Variants in GALNT9 observed in about 807,000 individuals in gnomAD.
GALNT9 encodes the protein polypeptide N-acetylgalactosaminyltransferase 9.
Under a neutral mutation model 63.1 loss-of-function variants are expected in GALNT9, and 47 were observed. The ratio of observed to expected loss-of-function variants is 0.75; its 90% CI spans 0.59 to 0.95. The LOEUF (loss-of-function observed/expected upper bound fraction) is 0.95. Among genes scored for constraint, GALNT9 ranks in the 40% least tolerant of loss-of-function variants. The probability of loss-of-function intolerance (pLI) is 0.00; values close to 1 mark genes in which losing one functional copy is unlikely to be tolerated. For synonymous variants in GALNT9, 396 were observed against 365.7 expected, an observed-to-expected ratio of 1.08 and a Z score of -0.94; for missense variants, 829 against 874.8, an observed-to-expected ratio of 0.95 and a Z score of 0.66.
chr12:132,203,407 CAGGGGGCCCT>C (rs573865239), intron 7 of GALNT9, 88 bp downstream of exon 7: 136 of 1,103,820 alleles, frequency 1.2e-4, no homozygotes, highest in Non-Finnish European at 3.0e-5. Context: ...CTCACACCTG[CAGGGGGCCCT>C]AGGGGGCCTC....
At chr12:132,285,977 C>A (rs1240164019) in intron 2 of GALNT9, among the ~76,000 whole-genome samples, 1 of 152,126 alleles carries the variant, frequency 6.6e-6, no homozygotes, top group East Asian at 1.9e-4. Flanking sequence ...CCTGACTGCT[C>A]CACTTTCCCA....
intron 7 of GALNT9, among the ~76,000 whole-genome samples, chr12:132,201,877 CTG>C (rs1030696293): frequency 5.9e-5 from 9 of 152,074 alleles, no homozygotes; most frequent in African/African-American, 1.9e-4. Context: ...AGTGCGGTGT[CTG>C]TGTCTTCCTG....
intron 1 of GALNT9, among the ~76,000 whole-genome samples, chr12:132,301,287 G>C (rs1881286602): frequency 6.6e-6 from 1 of 152,266 alleles, no homozygotes; most frequent in South Asian, 2.1e-4. Flanking sequence ...ACTTTCAGGA[G>C]AGGAAGGGCA....
Position 132,305,502 on chromosome 12 carries a change from C to T in GALNT9, c.239-19072G>A, listed in dbSNP as rs28544295. Among the ~76,000 whole-genome samples, 10 of 119,158 alleles carry T rather than the reference C, an allele frequency of 8.4e-5. 1 individual carries two copies. Among genetic ancestry groups the T allele is most frequent in the Non-Finnish European group, 1.6e-4 (9 of 57,876 alleles). 78.2% of individuals were successfully genotyped at this position (119,158 alleles called of 152,430 possible). A position where few individuals can be genotyped will look rare whatever the true frequency, so the allele number is the denominator to read the frequency against. On this transcript the variant is annotated intron_variant, in intron 1 of 10. Coordinates refer to ENST00000328957, the MANE Select transcript of GALNT9 (RefSeq NM_001122636.2). ...CCGGGCACACCCTCACCGGGGCACA[C>T]CCTCACCCGGGCACAGCCTCACCCG...
At chr12:132,214,055 C>G (rs190417385) in intron 6 of GALNT9, among the ~76,000 whole-genome samples, 2 of 152,188 alleles carry the variant, frequency 1.3e-5, no homozygotes. Flanking sequence ...CTGGGCCCCT[C>G]AGTCCTCCCA....
chr12:132,200,901 TGCACCTTGTGTGTGCAC>T, intron 8 of GALNT9: 1 of 557,340 alleles, frequency 1.8e-6, no homozygotes. Flanking sequence ...TATGTGAACC[TGCACCTTGTGTGTGCAC>T]GTGGATGTGC....
intron 6 of GALNT9, among the ~76,000 whole-genome samples, chr12:132,215,379 G>A (rs1051215394): frequency 1.4e-4 from 22 of 152,368 alleles, no homozygotes; most frequent in African/African-American, 5.3e-4. Flanking sequence ...GCCCGGCACC[G>A]CCTGGATGCC....
In GALNT9 at chr12:132,203,555, T is replaced by G. The variant is rs1224154121; in HGVS notation, c.1213A>C (p.Met405Leu). ...TACACGTGGGACTTGAAGTCATCCA[T>G]CCACACCTCGGCGGCGCGCAGGGCG... ...RNALRAAEVW[M>L]DDFKSHVYMA... The change falls in exon 7 of 11, where the codon ATG (methionine) becomes CTG (leucine). Residue 405 changes from methionine (M) to leucine (L), a missense_variant. Transcript: ENST00000328957. 1.2e-6 allele frequency: 2 copies of G among 1,613,886 alleles called. No homozygotes were observed. Among genetic ancestry groups the G allele is most frequent in the Admixed American group, 3.3e-5 (2 of 59,996 alleles).
intron 1 of GALNT9, among the ~76,000 whole-genome samples, chr12:132,294,373 C>T (rs1300436279): frequency 6.6e-6 from 1 of 152,232 alleles, no homozygotes; most frequent in Non-Finnish European, 1.5e-5. Context: ...CAGTGCTTCT[C>T]AAACCCAGCT....
chr12:132,258,638 C>G (rs1310377669), intron 4 of GALNT9, among the ~76,000 whole-genome samples: 1 of 152,186 alleles, frequency 6.6e-6, no homozygotes, highest in Non-Finnish European at 1.5e-5. Flanking sequence ...GCCTAATGGG[C>G]CTGCAGGGCT....
intron 5 of GALNT9, among the ~76,000 whole-genome samples, chr12:132,250,586 T>A (rs1279260484): frequency 1.3e-5 from 2 of 152,078 alleles, no homozygotes; most frequent in Non-Finnish European, 2.9e-5. Flanking sequence ...GGTCAGGAGT[T>A]CAAGATCAGA....
chr12:132,254,306 G>A lies in GALNT9; in HGVS notation c.959+3383C>T, dbSNP rs542497701. ...AATACCGGCGTAAGCCACTGCACCC[G>A]GCCCCTCCGCTGCTTTTAATATGCA... On this transcript the variant is annotated intron_variant, in intron 5 of 10. Transcript: ENST00000328957. Among the ~76,000 whole-genome samples, 136 of 152,274 alleles carry A rather than the reference G, an allele frequency of 8.9e-4. 1 individual carries two copies. The highest frequency in any genetic ancestry group is 3.0e-3 in the African/African-American group (126 of 41,550).
rs1215101066 is a variant in GALNT9 at position 132,261,048 on chromosome 12, G to C, written c.661C>G (p.Arg221Gly). The part of the protein sequence containing the change: ...PGLVKIVRNS[R>G]REGLIRARLQ... ...CGCGCGCGGATCAGTCCTTCCCGCC[G>C]GCTGTTGCGGACAATCTTCACGAGG... Residue 221 changes from arginine to glycine, a missense_variant, in exon 4 of 11, where the codon CGG becomes GGG. By Grantham distance (125) the Arg-to-Gly change is moderately radical. Coordinates refer to ENST00000328957, the MANE Select transcript of GALNT9 (RefSeq NM_001122636.2). 2 of 1,551,424 alleles carry C rather than the reference G, an allele frequency of 1.3e-6. No individual in the cohort carries two copies. The highest frequency in any genetic ancestry group is 1.7e-6 in the Non-Finnish European group (2 of 1,146,954).
At chr12:132,323,406 T>A (rs1445856239) in intron 1 of GALNT9, among the ~76,000 whole-genome samples, 1 of 152,168 alleles carries the variant, frequency 6.6e-6, no homozygotes, top group Non-Finnish European at 1.5e-5. Flanking sequence ...GGGAAGTGGC[T>A]GACAAGTGTT....
intron 2 of GALNT9, among the ~76,000 whole-genome samples, chr12:132,272,019 C>T (rs1016817778): frequency 6.6e-6 from 1 of 152,128 alleles, no homozygotes; most frequent in Non-Finnish European, 1.5e-5. Context: ...GGGCCAGAGG[C>T]TGCGCTCGAG....
intron 1 of GALNT9, among the ~76,000 whole-genome samples, chr12:132,294,888 C>T (rs1555243093): frequency 6.6e-6 from 1 of 152,254 alleles, no homozygotes; most frequent in African/African-American, 2.4e-5. Context: ...TCTCATCTTC[C>T]CTGTCTCTTA....
intron 5 of GALNT9, among the ~76,000 whole-genome samples, chr12:132,251,312 G>A (rs1352862873): frequency 6.6e-6 from 1 of 152,218 alleles, no homozygotes; most frequent in African/African-American, 2.4e-5. Flanking sequence ...TAAAACTGGA[G>A]TACGTTAAGG....
Position 132,203,761 on chromosome 12 carries a change from C to A in GALNT9, c.1078-71G>T, listed in dbSNP as rs1250702110. On this transcript the variant is annotated intron_variant, in intron 6 of 10. Coordinates refer to ENST00000328957, the MANE Select transcript of GALNT9 (RefSeq NM_001122636.2). ...CGGGCAGCCCGGCCAGCTAGGGGCC[C>A]GTGAGAGGCCAAGGGGCCCGGCCCT... 5.9e-6 allele frequency: 9 copies of A among 1,528,874 alleles called. No homozygotes were observed. In the African/African-American group the frequency reaches 1.1e-4, roughly 19 times the overall value. The allele number at this position is 1,528,874 out of a possible 1,614,324, so 94.7% of individuals were successfully genotyped here. A position where few individuals can be genotyped will look rare whatever the true frequency, so the allele number is the denominator to read the frequency against.
chr12:132,247,536 G>T, intron 6 of GALNT9: 1 of 474,120 alleles, frequency 2.1e-6, no homozygotes, highest in Non-Finnish European at 4.2e-6. Flanking sequence ...TCAGTGCGCT[G>T]AGCAGGAGCC....
Sources: allele counts gnomAD v4.1 joint callset (sites outside exome capture counted in the v4.1 genomes callset), GRCh38; gene constraint gnomAD v4.1.1; transcripts MANE v1.5; gene names NCBI Gene and HGNC (gene_info 2026-07-23, HGNC 2026-07-21).